SMARCD3: variants seen among roughly 807,000 people sequenced by gnomAD.
The protein encoded by SMARCD3 is SWI/SNF related BAF chromatin remodeling complex subunit D3, also known as SWI/SNF-related matrix-associated actin-dependent regulator of chromatin subfamily D member 3.
Under a neutral mutation model 58.0 loss-of-function variants are expected in SMARCD3, and 14 were observed. The ratio of observed to expected loss-of-function variants is 0.24; its 90% CI spans 0.16 to 0.38. The LOEUF (loss-of-function observed/expected upper bound fraction) is 0.38, where lower values mean the gene tolerates loss of function less well. SMARCD3 is among the 10% of genes least tolerant of loss of function. The pLI is 1.00. For synonymous variants in SMARCD3, 253 were observed against 253.8 expected (o/e 1.00, Z 0.03); for missense variants, 408 against 636.9 (o/e 0.64, Z 3.87).
At chr7:151,240,358 G>C in intron 9 of SMARCD3, 67 bp downstream of exon 9, 2 of 1,586,512 alleles carry the variant, frequency 1.3e-6, no homozygotes, top group African/African-American at 2.7e-5. Context: ...TGGGAGGAGA[G>C]GGAGGGGCAG....
In SMARCD3 at chr7:151,240,266, C is replaced by G; in HGVS notation, c.1038-19G>C. Reference sequence around the variant, plus strand: ...GTCCACGCTGCCAGGGAAGTCCAGCCCTTCGTGTCCACGATGCCCCCATAC... The same window carrying G: ...GTCCACGCTGCCAGGGAAGTCCAGCGCTTCGTGTCCACGATGCCCCCATAC... On this transcript the variant is annotated intron_variant, in intron 9 of 12. Coordinates refer to ENST00000262188, the MANE Select transcript of SMARCD3 (RefSeq NM_001003801.2). 1.9e-6 allele frequency: 3 copies of G among 1,602,478 alleles called. No homozygotes were observed. Among genetic ancestry groups the G allele is most frequent in the Non-Finnish European group, 2.5e-6 (3 of 1,177,226 alleles).
chr7:151,247,356 C>A (rs567567884), intron 1 of SMARCD3, among the ~76,000 whole-genome samples: 2 of 152,038 alleles, frequency 1.3e-5, no homozygotes, highest in African/African-American at 4.8e-5. Context: ...TGGGAAGTTA[C>A]CCCCAGGGGT....
intron 2 of SMARCD3, among the ~76,000 whole-genome samples, chr7:151,259,307 A>G (rs192488849): frequency 0.012 from 1,786 of 150,246 alleles, 47 homozygotes; most frequent in African/African-American, 0.042. Context: ...AGCTGAGATC[A>G]CACCACTGCA....
chr7:151,253,875 C>T (rs973503900), intron 2 of SMARCD3, among the ~76,000 whole-genome samples: 12 of 140,144 alleles, frequency 8.6e-5, no homozygotes, highest in African/African-American at 3.3e-4. Flanking sequence ...CTGAATTGGG[C>T]AGTGCCCTGA....
intron 1 of SMARCD3, among the ~76,000 whole-genome samples, chr7:151,247,363 G>T (rs1177414433): frequency 1.3e-5 from 2 of 152,010 alleles, no homozygotes; most frequent in Non-Finnish European, 2.9e-5. Flanking sequence ...TTACCCCCAG[G>T]GGTCCCTGGG....
intron 2 of SMARCD3, among the ~76,000 whole-genome samples, chr7:151,273,121 G>A (rs773992610): frequency 3.3e-5 from 5 of 152,234 alleles, no homozygotes; most frequent in South Asian, 4.1e-4. Flanking sequence ...AACGCACACC[G>A]CCGATTGCAT....
intron 2 of SMARCD3, among the ~76,000 whole-genome samples, chr7:151,274,208 C>A (rs1584901467): frequency 6.6e-6 from 1 of 152,346 alleles, no homozygotes; most frequent in Non-Finnish European, 1.5e-5. Flanking sequence ...GAGGCCCTGC[C>A]AGTACCCACC....
rs1802920727 is a variant in SMARCD3 at position 151,240,448 on chromosome 7, T to G, written c.1014A>C (p.Pro338=). 1 of 1,613,642 alleles carries G rather than the reference T, an allele frequency of 6.2e-7. No individual in the cohort carries two copies. Among genetic ancestry groups the G allele is most frequent in the Admixed American group, 1.7e-5 (1 of 59,984 alleles). The part of the protein sequence containing the change: ...RLTALLLPPD[P]IVINHVISVD... The stretch of plus-strand genomic sequence containing the variant: ...ACCTGATGACATGGTTGATGACAAT[T>G]GGGTCAGGGGGCAATAGCAGGGCTG... The change falls in exon 9 of 13, where the codon CCA becomes CCC. Residue 338 remains proline (P), a synonymous_variant. Transcript: ENST00000262188.
At chr7:151,240,036 A>C in intron 10 of SMARCD3, 76 bp downstream of exon 10, 1 of 1,492,890 alleles carries the variant, frequency 6.7e-7, no homozygotes, top group Non-Finnish European at 9.2e-7. Context: ...ATCTGCAACC[A>C]CACCCTGGTC....
In SMARCD3 at chr7:151,241,628, C is replaced by A; in HGVS notation, c.803G>T (p.Arg268Leu). The change falls in exon 8 of 13, where the codon CGC becomes CTC. Residue 268 changes from arginine to leucine, a missense_variant. Physicochemically the swap from Arg to Leu is moderately radical, Grantham distance 102. Transcript: ENST00000262188. The surrounding 1 kb of genome is among the most constrained non-coding windows in gnomAD (Gnocchi z 5.3). ...YQPPQFKLDP[R>L]LARLLGLHTQ... is the part of the protein sequence containing the mutation. ...GTGCAGCCCCAGCAGCCGGGCTAGG[C>A]GGGGATCCAGTTTGAACTGGGGAGG... 6 of 1,611,280 alleles carry A rather than the reference C, an allele frequency of 3.7e-6. No homozygotes were observed. Among genetic ancestry groups the A allele is most frequent in the Non-Finnish European group, 5.1e-6 (6 of 1,178,720 alleles).
At position 151,242,705 on chromosome 7, in the gene SMARCD3, C is replaced by T; in HGVS notation, c.456+16G>A. 1 of 1,614,062 alleles carries T rather than the reference C, an allele frequency of 6.2e-7. No individual in the cohort carries two copies. The highest frequency in any genetic ancestry group is 8.5e-7 in the Non-Finnish European group (1 of 1,179,968). Reference sequence around the variant, plus strand: ...CACAACTCTAGAGTCCCCTTCCTACCCCCGAACTAAGGCACCTTCATGGGC... The same window carrying T: ...CACAACTCTAGAGTCCCCTTCCTACTCCCGAACTAAGGCACCTTCATGGGC... On this transcript the variant is annotated intron_variant, in intron 4 of 12. Coordinates refer to ENST00000262188, the MANE Select transcript of SMARCD3 (RefSeq NM_001003801.2). This position sits in a 1 kb window ranked among gnomAD's most constrained non-coding sequence, Gnocchi z 4.7.
intron 2 of SMARCD3, among the ~76,000 whole-genome samples, chr7:151,266,486 C>T (rs1804083797): frequency 6.6e-6 from 1 of 152,124 alleles, no homozygotes; most frequent in Non-Finnish European, 1.5e-5. Context: ...GTGTTATTTA[C>T]AAATCCAGTG....
At chr7:151,269,233 C>T (rs764680293) in intron 2 of SMARCD3, among the ~76,000 whole-genome samples, 3 of 152,190 alleles carry the variant, frequency 2.0e-5, no homozygotes, top group Non-Finnish European at 4.4e-5. Flanking sequence ...TCCTGCTGGG[C>T]AGAGTGGAGT....
intron 2 of SMARCD3, among the ~76,000 whole-genome samples, chr7:151,256,627 C>T (rs992910304): frequency 2.9e-4 from 44 of 152,258 alleles, no homozygotes; most frequent in African/African-American, 9.4e-4. Context: ...TCGTGCTGCC[C>T]GGCAGGCCAC....
At position 151,239,037 on chromosome 7, in the gene SMARCD3, C is replaced by T. The variant is rs1802806941; in HGVS notation, c.*66G>A. 2.0e-6 allele frequency: 3 copies of T among 1,505,804 alleles called. No individual in the cohort carries two copies. Among genetic ancestry groups the T allele is most frequent in the Non-Finnish European group, 2.8e-6 (3 of 1,081,712 alleles). The allele number at this position is 1,505,804 out of a possible 1,614,324, so 93.3% of individuals were successfully genotyped here. A position where few individuals can be genotyped will look rare whatever the true frequency, so the allele number is the denominator to read the frequency against. Reference sequence around the variant, plus strand: ...GGTGGCAGAGGAGTGATGCTGGAGCCCGGGGCAAAATGCTGGGGCCCGGGA... The same window carrying T: ...GGTGGCAGAGGAGTGATGCTGGAGCTCGGGGCAAAATGCTGGGGCCCGGGA... On this transcript the variant is annotated 3_prime_UTR_variant, in exon 13 of 13. Transcript: ENST00000262188. The surrounding 1 kb of genome is among the most constrained non-coding windows in gnomAD (Gnocchi z 7.0).
In SMARCD3 at chr7:151,239,735, C is replaced by T. The variant is rs1159455869; in HGVS notation, c.1185G>A (p.Thr395=). ...ISALDSKIHE[T]IESINQLKIQ... Reference sequence around the variant, plus strand: ...TCTTGAGCTGGTTTATGGACTCAATCGTCTCATGGATCTGCAGGTAGAAAG... The same window carrying T: ...TCTTGAGCTGGTTTATGGACTCAATTGTCTCATGGATCTGCAGGTAGAAAG... The change falls in exon 11 of 13, where the codon ACG becomes ACA. Residue 395 remains threonine (T), a synonymous_variant. Coordinates refer to ENST00000262188, the MANE Select transcript of SMARCD3 (RefSeq NM_001003801.2). The surrounding 1 kb of genome is among the most constrained non-coding windows in gnomAD (Gnocchi z 7.0). 3 of 1,613,782 alleles carry T rather than the reference C, an allele frequency of 1.9e-6. No individual in the cohort carries two copies. Among genetic ancestry groups the T allele is most frequent in the South Asian group, 1.1e-5 (1 of 91,076 alleles).
Position 151,242,078 on chromosome 7 carries a change from C to A in SMARCD3, c.675+59G>T. 1.3e-6 allele frequency: 2 copies of A among 1,546,870 alleles called. No homozygotes were observed. Among genetic ancestry groups the A allele is most frequent in the Non-Finnish European group, 1.8e-6 (2 of 1,119,120 alleles). On this transcript the variant is annotated intron_variant, in intron 6 of 12. Coordinates refer to ENST00000262188, the MANE Select transcript of SMARCD3 (RefSeq NM_001003801.2). The surrounding 1 kb of genome is among the most constrained non-coding windows in gnomAD (Gnocchi z 4.7). ...CTGACCCAAATCTGTGCTGGTTCTT[C>A]AGGGATTCTGGCCTGTGGGAGGGTG...
chr7:151,239,752 G>C lies in SMARCD3; in HGVS notation c.1174-6C>G. The C allele has an allele frequency of 6.2e-7, 1 of 1,613,782 alleles. No homozygotes were observed. The highest frequency in any genetic ancestry group is 8.5e-7 in the Non-Finnish European group (1 of 1,179,922). On this transcript the variant is annotated splice_polypyrimidine_tract_variant and splice_region_variant and intron_variant, in intron 10 of 12. Transcript: ENST00000262188. This position sits in a 1 kb window ranked among gnomAD's most constrained non-coding sequence, Gnocchi z 7.0. ...GACTCAATCGTCTCATGGATCTGCA[G>C]GTAGAAAGATAGATGCTTTCCACCT... is the stretch of plus-strand genomic sequence containing the variant.
At chr7:151,244,277 G>A (rs1002561204) in intron 2 of SMARCD3, among the ~76,000 whole-genome samples, 24 of 152,262 alleles carry the variant, frequency 1.6e-4, no homozygotes, top group African/African-American at 5.5e-4. Flanking sequence ...CTGGCAACAG[G>A]GTGAGGGACA....
Sources: gnomAD v4.1 joint callset for allele counts (sites outside exome capture counted in the v4.1 genomes callset) on GRCh38, gnomAD v4.1.1 for gene constraint, Gnocchi (gnomAD v3.1) non-coding constraint, MANE v1.5 for transcripts, NCBI Gene and HGNC (gene_info 2026-07-23, HGNC 2026-07-21) for gene names.